Variants in ADAMTS18 observed in about 807,000 individuals in gnomAD.
ADAMTS18 encodes the protein A disintegrin and metalloproteinase with thrombospondin motifs 18.
ADAMTS18 carries 157 observed loss-of-function variants against 165.9 expected under a neutral mutation model. The observed-to-expected ratio is 0.95, with a 90% confidence interval of 0.83 to 1.08. ADAMTS18 has a LOEUF of 1.08. Ranked by LOEUF, ADAMTS18 falls within the 50% of genes least tolerant of loss-of-function variation. The pLI is 0.00. For missense variants in ADAMTS18, 2,040 were observed against 1,534.0 expected (o/e 1.33, Z -5.51); for synonymous variants, 782 against 578.2 (o/e 1.35, Z -5.06).
chr16:77,287,632 C>T (rs748140605), intron 22 of ADAMTS18, among the ~76,000 whole-genome samples: 14 of 152,094 alleles, frequency 9.2e-5, no homozygotes, highest in Non-Finnish European at 1.6e-4. Context: ...CCACCACACC[C>T]AGCTAGTTTT....
intron 18 of ADAMTS18, among the ~76,000 whole-genome samples, chr16:77,295,434 G>A (rs1163869415): frequency 6.6e-6 from 1 of 152,174 alleles, no homozygotes; most frequent in African/African-American, 2.4e-5. Flanking sequence ...TTAACTATGT[G>A]TCAGGGACTC....
At chr16:77,356,231 T>C (rs10514415) in intron 8 of ADAMTS18, among the ~76,000 whole-genome samples, 154 bp from the exon 9 acceptor site, 79,310 of 151,976 alleles carry the variant, frequency 0.52, 21,240 homozygotes, top group Non-Finnish European at 0.59. Flanking sequence ...TTACTATAGA[T>C]TGTTATAAAA....
At chr16:77,356,511 G>A (rs550137913) in intron 8 of ADAMTS18, among the ~76,000 whole-genome samples, 1 of 152,102 alleles carries the variant, frequency 6.6e-6, no homozygotes, top group African/African-American at 2.4e-5. Context: ...ATTATAAGTT[G>A]TTTATGAACT....
intron 3 of ADAMTS18, among the ~76,000 whole-genome samples, chr16:77,392,037 C>T (rs1364265572): frequency 2.0e-5 from 3 of 151,894 alleles, no homozygotes; most frequent in South Asian, 2.1e-4. Flanking sequence ...ACATTGAAGA[C>T]GCCCAGTCAT....
intron 3 of ADAMTS18, among the ~76,000 whole-genome samples, chr16:77,404,255 A>G (rs1415888180): frequency 6.6e-6 from 1 of 152,212 alleles, no homozygotes; most frequent in Non-Finnish European, 1.5e-5. Context: ...ATCAAACTCC[A>G]CAAGCCAATA....
chr16:77,309,696 T>G (rs1395948189), intron 16 of ADAMTS18, among the ~76,000 whole-genome samples: 3 of 152,184 alleles, frequency 2.0e-5, no homozygotes, highest in African/African-American at 7.2e-5. Flanking sequence ...ACTTATTTCT[T>G]GGGGTTAACT....
At chr16:77,300,493 A>G in intron 16 of ADAMTS18, 89 bp from the exon 17 acceptor site, 1 of 1,471,026 alleles carries the variant, frequency 6.8e-7, no homozygotes, top group Non-Finnish European at 9.5e-7. Flanking sequence ...AAAGATATTT[A>G]CATGACATTT....
chr16:77,349,282 C>G (rs561651405), intron 10 of ADAMTS18, among the ~76,000 whole-genome samples: 1 of 151,888 alleles, frequency 6.6e-6, no homozygotes, highest in African/African-American at 2.4e-5. Context: ...AAGATGGCTA[C>G]AAGATGAAAA....
intron 10 of ADAMTS18, among the ~76,000 whole-genome samples, chr16:77,345,509 C>G (rs1238540448): frequency 6.6e-6 from 1 of 152,192 alleles, no homozygotes; most frequent in Non-Finnish European, 1.5e-5. Flanking sequence ...TGTTCCAAGC[C>G]ACCCGACATG....
At chr16:77,399,281 G>A (rs1235210484) in intron 3 of ADAMTS18, among the ~76,000 whole-genome samples, 5 of 152,188 alleles carry the variant, frequency 3.3e-5, no homozygotes, top group African/African-American at 1.2e-4. Flanking sequence ...AGTGGGGGAT[G>A]GTGAGGATGA....
At position 77,431,570 on chromosome 16, in the gene ADAMTS18, A is replaced by T. The variant is rs1222047854; in HGVS notation, c.220T>A (p.Ser74Thr). ...VTPVEVDSAG[S>T]YISHDILHNG... is the part of the protein sequence containing the mutation. ...TGCAAAATGTCGTGTGAAATATATG[A>T]CCCGGCTGAGTCTACTTCTACTGGC... Residue 74 changes from serine (S) to threonine (T), a missense_variant, in exon 3 of 23, where the codon TCA becomes ACA. By Grantham distance (58) the Ser-to-Thr change is moderately conservative. Transcript: ENST00000282849. The T allele has an allele frequency of 1.9e-6, 3 of 1,613,876 alleles. No individual in the cohort carries two copies. Among genetic ancestry groups the T allele is most frequent in the Non-Finnish European group, 2.5e-6 (3 of 1,180,010 alleles).
At chr16:77,380,577 A>G (rs547124895) in intron 3 of ADAMTS18, among the ~76,000 whole-genome samples, 1 of 152,352 alleles carries the variant, frequency 6.6e-6, no homozygotes, top group South Asian at 2.1e-4. Context: ...TGATATTCTT[A>G]ACATCTACTG....
At chr16:77,373,870 G>C (rs1284670439) in intron 3 of ADAMTS18, among the ~76,000 whole-genome samples, 1 of 152,118 alleles carries the variant, frequency 6.6e-6, no homozygotes, top group African/African-American at 2.4e-5. Context: ...CTCTGTGACA[G>C]CAGGGGTCAC....
At chr16:77,428,463 A>C (rs141097502) in intron 3 of ADAMTS18, among the ~76,000 whole-genome samples, 1 of 152,214 alleles carries the variant, frequency 6.6e-6, no homozygotes, top group Non-Finnish European at 1.5e-5. Context: ...AACTACACCC[A>C]TAATGTGGTA....
At chr16:77,284,129 T>TC (rs1391462858) in intron 22 of ADAMTS18, 58 bp from the exon 23 acceptor site, 1 of 1,274,964 alleles carries the variant, frequency 7.8e-7, no homozygotes, top group East Asian at 2.4e-5. Flanking sequence ...TTTTCTTTTT[T>TC]TTTTTTTTTG....
In ADAMTS18 at chr16:77,319,938, C is replaced by A. The variant is rs746386082; in HGVS notation, c.2443G>T (p.Ala815Ser). Residue 815 changes from alanine (A) to serine (S), a missense_variant, in exon 16 of 23, where the codon GCT becomes TCT. Ala to Ser is a moderately conservative substitution (Grantham distance 99, BLOSUM62 1). Coordinates refer to ENST00000282849, the MANE Select transcript of ADAMTS18 (RefSeq NM_199355.4). ...SIDWPGEFPFAGTTFEYQRSF... is the reference protein window; with the variant it reads ...SIDWPGEFPFSGTTFEYQRSF... ...CGCTGGTATTCAAACGTGGTCCCAG[C>A]GAAGGGGAACTCCCCAGGCCAGTCG... The A allele has an allele frequency of 9.9e-6, 16 of 1,614,008 alleles. No individual in the cohort carries two copies. The highest frequency in any genetic ancestry group is 6.7e-5 in the Admixed American group (4 of 60,002).
intron 3 of ADAMTS18, among the ~76,000 whole-genome samples, chr16:77,422,279 T>C (rs996868110): frequency 1.3e-5 from 2 of 151,970 alleles, no homozygotes; most frequent in African/African-American, 4.8e-5. Context: ...TTCTCAGGTA[T>C]TATATAGGGT....
intron 3 of ADAMTS18, among the ~76,000 whole-genome samples, chr16:77,403,194 G>C (rs1260928000): frequency 2.6e-5 from 4 of 152,108 alleles, no homozygotes; most frequent in African/African-American, 9.7e-5. Flanking sequence ...ATAGATAAGT[G>C]GGAAAGAAAA....
chr16:77,423,863 T>C (rs1172416418), intron 3 of ADAMTS18, among the ~76,000 whole-genome samples: 2 of 152,112 alleles, frequency 1.3e-5, no homozygotes, highest in Non-Finnish European at 2.9e-5. Context: ...GGTTGAACTT[T>C]AAAAGGCCTT....
Sources: gnomAD v4.1 joint callset for allele counts (sites outside exome capture counted in the v4.1 genomes callset) on GRCh38, gnomAD v4.1.1 for gene constraint, MANE v1.5 for transcripts, NCBI Gene and HGNC (gene_info 2026-07-23, HGNC 2026-07-21) for gene names.